Variants in THEMIS observed in about 807,000 individuals in gnomAD.
The protein encoded by THEMIS is thymocyte selection associated.
THEMIS carries 37 observed loss-of-function variants against 52.6 expected under a neutral mutation model. The ratio of observed to expected loss-of-function variants is 0.70; its 90% CI spans 0.54 to 0.93. The LOEUF is 0.93. Ranked by LOEUF, THEMIS falls within the 40% of genes least tolerant of loss-of-function variation. The pLI is 0.00. For missense variants in THEMIS, 808 were observed against 763.1 expected (o/e 1.06, Z -0.69); for synonymous variants, 292 against 272.7 (o/e 1.07, Z -0.70).
At chr6:127,841,784 G>A (rs897964972) in intron 2 of THEMIS, among the ~76,000 whole-genome samples, 7 of 151,862 alleles carry the variant, frequency 4.6e-5, no homozygotes, top group Non-Finnish European at 7.4e-5. Context: ...TCTTTTGCAT[G>A]CTGATTAATT....
intron 5 of THEMIS, among the ~76,000 whole-genome samples, chr6:127,712,674 T>C (rs1420584859): frequency 1.3e-5 from 2 of 151,882 alleles, no homozygotes; most frequent in Non-Finnish European, 2.9e-5. Context: ...AAGTAAATTA[T>C]TTCATTCATA....
At chr6:127,751,661 A>T (rs1298890389) in intron 4 of THEMIS, among the ~76,000 whole-genome samples, 4 of 151,648 alleles carry the variant, frequency 2.6e-5, no homozygotes, top group Non-Finnish European at 5.9e-5. Flanking sequence ...TGCACCCAAC[A>T]TCTGAGCACC....
In THEMIS at chr6:127,843,840, C is replaced by T. The variant is rs560179990; in HGVS notation, c.250+11190G>A. ...TCAGTGAGAACCCTATGGAGAGGAC[C>T]ATGTGGTAAAGAATTGAAGCCTCCC... is the stretch of plus-strand genomic sequence containing the variant. On this transcript the variant is annotated intron_variant, in intron 2 of 5. Coordinates refer to ENST00000368248, the MANE Select transcript of THEMIS (RefSeq NM_001010923.3). Among the ~76,000 whole-genome samples, 16 of 151,984 alleles carry T rather than the reference C, an allele frequency of 1.1e-4. No homozygotes were observed. In the East Asian group the frequency reaches 3.1e-3, roughly 30 times the overall value.
At chr6:127,720,096 A>C (rs1774312706) in intron 4 of THEMIS, among the ~76,000 whole-genome samples, 1 of 151,952 alleles carries the variant, frequency 6.6e-6, no homozygotes, top group South Asian at 2.1e-4. Flanking sequence ...CTTCTTGTGA[A>C]GCTTATAAAA....
chr6:127,744,448 T>G (rs1365751997), intron 4 of THEMIS, among the ~76,000 whole-genome samples: 1 of 151,934 alleles, frequency 6.6e-6, no homozygotes, highest in African/African-American at 2.4e-5. Flanking sequence ...GACAGAAGAA[T>G]TAAGAAAGAA....
chr6:127,862,929 T>C (rs1029422998), intron 1 of THEMIS, among the ~76,000 whole-genome samples: 5 of 152,144 alleles, frequency 3.3e-5, no homozygotes, highest in Admixed American at 1.3e-4. Flanking sequence ...GCATGCCAGG[T>C]ATTAATTATG....
Position 127,730,064 on chromosome 6 carries a change from G to A in THEMIS, c.1759-10241C>T, listed in dbSNP as rs551676417. Among the ~76,000 whole-genome samples, 5 of 152,168 alleles carry A rather than the reference G, an allele frequency of 3.3e-5. No homozygotes were observed. The East Asian group carries it at 9.7e-4, about 29-fold the overall frequency. On this transcript the variant is annotated intron_variant, in intron 4 of 5. Coordinates refer to ENST00000368248, the MANE Select transcript of THEMIS (RefSeq NM_001010923.3). ...GCAGGAGAATCACTTCAGGCCAGGAGTTTGAGACAAGCCTGAGCAATATAG... is the reference window on the plus strand; with the variant it reads ...GCAGGAGAATCACTTCAGGCCAGGAATTTGAGACAAGCCTGAGCAATATAG...
chr6:127,834,565 C>T (rs1778812298), intron 2 of THEMIS, among the ~76,000 whole-genome samples: 1 of 151,904 alleles, frequency 6.6e-6, no homozygotes, highest in African/African-American at 2.4e-5. Context: ...GCCTGGGCAA[C>T]AGAGTGAGAC....
intron 3 of THEMIS, among the ~76,000 whole-genome samples, chr6:127,827,985 C>G (rs1778565612): frequency 6.6e-6 from 1 of 152,130 alleles, no homozygotes; most frequent in African/African-American, 2.4e-5. Context: ...ACCAACTACA[C>G]TAGAGCTCCC....
intron 4 of THEMIS, among the ~76,000 whole-genome samples, chr6:127,759,986 A>G (rs1257530531): frequency 6.6e-6 from 1 of 151,972 alleles, no homozygotes; most frequent in African/African-American, 2.4e-5. Context: ...TTCCCAACTG[A>G]AAACCCTATG....
At chr6:127,726,057 G>T (rs978290089) in intron 4 of THEMIS, among the ~76,000 whole-genome samples, 5 of 152,204 alleles carry the variant, frequency 3.3e-5, no homozygotes, top group Admixed American at 6.5e-5. Context: ...TTGCTGGCTT[G>T]GTCTGGGCTG....
intron 2 of THEMIS, among the ~76,000 whole-genome samples, chr6:127,838,202 T>C (rs555409487): frequency 6.6e-6 from 1 of 152,198 alleles, no homozygotes; most frequent in South Asian, 2.1e-4. Context: ...AGCTACTCAA[T>C]CTATTACAAA....
At chr6:127,755,082 A>T (rs1347324058) in intron 4 of THEMIS, among the ~76,000 whole-genome samples, 1 of 152,104 alleles carries the variant, frequency 6.6e-6, no homozygotes, top group Non-Finnish European at 1.5e-5. Flanking sequence ...TTAAATAAAA[A>T]TCTTGGTCTG....
chr6:127,868,846 A>G (rs1356672157), intron 1 of THEMIS, among the ~76,000 whole-genome samples: 2 of 152,160 alleles, frequency 1.3e-5, no homozygotes, highest in South Asian at 2.1e-4. Flanking sequence ...TCATTTGCTT[A>G]TGTGTTGACT....
chr6:127,879,244 A>G (rs1311061333), intron 1 of THEMIS, among the ~76,000 whole-genome samples: 4 of 152,192 alleles, frequency 2.6e-5, no homozygotes, highest in Admixed American at 2.6e-4. Context: ...AGCATATGTT[A>G]ACAAATAGCA....
chr6:127,877,620 T>C (rs1470899830), intron 1 of THEMIS, among the ~76,000 whole-genome samples: 1 of 152,186 alleles, frequency 6.6e-6, no homozygotes, highest in African/African-American at 2.4e-5. Flanking sequence ...CAACATTTAT[T>C]AAATTTTCCA....
chr6:127,781,516 TC>T, intron 4 of THEMIS, among the ~76,000 whole-genome samples: 1 of 152,244 alleles, frequency 6.6e-6, no homozygotes, highest in Non-Finnish European at 1.5e-5. Flanking sequence ...TTTCTCCCCT[TC>T]TTTGTGGATT....
intron 1 of THEMIS, chr6:127,910,050 AT>A (rs1781372554): frequency 6.6e-6 from 1 of 152,174 alleles, no homozygotes; most frequent in African/African-American, 2.4e-5. Flanking sequence ...GTAAAAAAAA[AT>A]CTCAAAGGGA....
At chr6:127,835,694 G>A (rs537051355) in intron 2 of THEMIS, among the ~76,000 whole-genome samples, 257 of 152,140 alleles carry the variant, frequency 1.7e-3, no homozygotes, top group South Asian at 4.4e-3. Context: ...GATCAAAATC[G>A]AGATAACAAA....
Sources: allele counts gnomAD v4.1 joint callset (sites outside exome capture counted in the v4.1 genomes callset), GRCh38; gene constraint gnomAD v4.1.1; transcripts MANE v1.5; gene names NCBI Gene and HGNC (gene_info 2026-07-23, HGNC 2026-07-21).